WDR7: variants seen among roughly 807,000 people sequenced by gnomAD.
WDR7 encodes the protein WD repeat domain 7, also known as WD repeat-containing protein 7.
In WDR7, 46 loss-of-function variants were observed where a neutral mutation model predicts 169.4. The observed-to-expected ratio is 0.27, with a 90% CI of 0.21 to 0.35. The LOEUF (loss-of-function observed/expected upper bound fraction) is 0.35. Ranked by LOEUF, WDR7 falls within the 10% of genes least tolerant of loss-of-function variation. The pLI is 1.00. For synonymous variants in WDR7, 612 were observed against 666.8 expected, an observed-to-expected ratio of 0.92 and a Z score of 1.27; for missense variants, 1,534 against 1,859.3, an observed-to-expected ratio of 0.83 and a Z score of 3.22.
chr18:56,954,435 G>C (rs1293253127), intron 25 of WDR7, among the ~76,000 whole-genome samples: 3 of 152,048 alleles, frequency 2.0e-5, no homozygotes, highest in Non-Finnish European at 2.9e-5. Flanking sequence ...GTTAGCAAAA[G>C]AGAAATTTTA....
intron 19 of WDR7, among the ~76,000 whole-genome samples, chr18:56,792,469 A>G (rs1333407724): frequency 1.3e-5 from 2 of 152,174 alleles, no homozygotes; most frequent in Non-Finnish European, 2.9e-5. Flanking sequence ...ACTACATCAT[A>G]GTTTCTTCTT....
chr18:56,970,251 GTT>G (rs34022808), intron 26 of WDR7, among the ~76,000 whole-genome samples: 2 of 140,844 alleles, frequency 1.4e-5, no homozygotes, highest in African/African-American at 5.3e-5. Context: ...TTTTTTTGCT[GTT>G]TTTTTTTTCC....
intron 14 of WDR7, among the ~76,000 whole-genome samples, chr18:56,732,842 G>A (rs957833987): frequency 6.6e-6 from 1 of 152,132 alleles, no homozygotes; most frequent in Non-Finnish European, 1.5e-5. Context: ...GACATGATAT[G>A]TAATTTGATT....
At chr18:56,841,382 A>C (rs1014880587) in intron 20 of WDR7, among the ~76,000 whole-genome samples, 2 of 151,932 alleles carry the variant, frequency 1.3e-5, no homozygotes, top group Non-Finnish European at 2.9e-5. Flanking sequence ...TTTCAACTAA[A>C]AACAGAAAAA....
At chr18:56,930,482 A>G (rs2046868701) in intron 22 of WDR7, among the ~76,000 whole-genome samples, 1 of 152,224 alleles carries the variant, frequency 6.6e-6, no homozygotes, top group South Asian at 2.1e-4. Context: ...CATAGTTTTT[A>G]TTCACTGTAA....
At chr18:57,021,668 C>T (rs2048294540) in intron 27 of WDR7, among the ~76,000 whole-genome samples, 1 of 152,142 alleles carries the variant, frequency 6.6e-6, no homozygotes, top group South Asian at 2.1e-4. Context: ...ATTTCTATCC[C>T]ATCTTCTTTT....
At chr18:56,681,267 G>T in intron 3 of WDR7, 46 bp from the exon 4 acceptor site, 1 of 1,261,758 alleles carries the variant, frequency 7.9e-7, no homozygotes, top group Admixed American at 2.4e-5. Flanking sequence ...GTTGAATGGT[G>T]CTTTAAAAAG....
intron 19 of WDR7, among the ~76,000 whole-genome samples, chr18:56,803,036 C>T (rs1225455742): frequency 6.6e-6 from 1 of 152,068 alleles, no homozygotes; most frequent in Non-Finnish European, 1.5e-5. Context: ...CATTAACTTA[C>T]TGTCTGTACT....
chr18:56,855,896 C>T (rs2045713314), intron 20 of WDR7, among the ~76,000 whole-genome samples: 1 of 152,124 alleles, frequency 6.6e-6, no homozygotes, highest in African/African-American at 2.4e-5. Flanking sequence ...TCACTGCTCT[C>T]AGAGCAGAGC....
intron 4 of WDR7, among the ~76,000 whole-genome samples, 199 bp downstream of exon 4, chr18:56,681,590 A>T (rs116667780): frequency 1.3e-5 from 2 of 152,214 alleles, no homozygotes; most frequent in East Asian, 3.8e-4. Flanking sequence ...GAGGAGACTA[A>T]TGGGGAAAGA....
chr18:56,888,476 A>G (rs1599131978), intron 21 of WDR7, among the ~76,000 whole-genome samples: 1 of 152,320 alleles, frequency 6.6e-6, no homozygotes, highest in East Asian at 1.9e-4. Flanking sequence ...CCTGAAGGGA[A>G]ATACAAAGCA....
chr18:56,724,457 C>T (rs1236123407), intron 13 of WDR7, among the ~76,000 whole-genome samples: 1 of 151,866 alleles, frequency 6.6e-6, no homozygotes, highest in Non-Finnish European at 1.5e-5. Flanking sequence ...GGTGATCCAC[C>T]TGCCTTGGCC....
chr18:56,696,726 A>T (rs1259585687), intron 12 of WDR7, among the ~76,000 whole-genome samples: 1 of 152,228 alleles, frequency 6.6e-6, no homozygotes, highest in Non-Finnish European at 1.5e-5. Context: ...ACATAGCAGC[A>T]GTTGAGAAAA....
chr18:56,864,672 CATGATATCTAAAAT>C (rs1280306779), intron 20 of WDR7, among the ~76,000 whole-genome samples: 1 of 151,730 alleles, frequency 6.6e-6, no homozygotes, highest in Non-Finnish European at 1.5e-5. Context: ...CTCTCTACTT[CATGATATCTAAAAT>C]AATGCAGGGT....
chr18:56,957,056 A>G (rs1265706626), intron 25 of WDR7, among the ~76,000 whole-genome samples: 1 of 152,160 alleles, frequency 6.6e-6, no homozygotes, highest in Non-Finnish European at 1.5e-5. Context: ...ATACCTAGGT[A>G]TACAAGGATC....
intron 16 of WDR7, among the ~76,000 whole-genome samples, chr18:56,774,840 TA>T (rs1243371219): frequency 2.0e-5 from 3 of 152,114 alleles, no homozygotes; most frequent in African/African-American, 7.2e-5. Context: ...TCTATTACAA[TA>T]TTTTTCTTGA....
intron 20 of WDR7, among the ~76,000 whole-genome samples, chr18:56,859,994 T>A (rs1191082646): frequency 6.6e-6 from 1 of 152,178 alleles, no homozygotes; most frequent in African/African-American, 2.4e-5. Flanking sequence ...TTTGAGAATA[T>A]AAATGCAAGA....
intron 26 of WDR7, among the ~76,000 whole-genome samples, chr18:56,972,790 G>C (rs1408754493): frequency 6.6e-6 from 1 of 152,152 alleles, no homozygotes; most frequent in East Asian, 1.9e-4. Context: ...TGACCGTGTG[G>C]AGGAGTATTT....
At chr18:56,766,643 G>A (rs748936241) in intron 16 of WDR7, among the ~76,000 whole-genome samples, 1 of 151,934 alleles carries the variant, frequency 6.6e-6, no homozygotes, top group Non-Finnish European at 1.5e-5. Context: ...TCCCTGTTTG[G>A]CCCCCTCAAA....
Sources: allele counts gnomAD v4.1 joint callset (sites outside exome capture counted in the v4.1 genomes callset), GRCh38; gene constraint gnomAD v4.1.1; transcripts MANE v1.5; gene names NCBI Gene and HGNC (gene_info 2026-07-23, HGNC 2026-07-21).